The following NCALD variants were observed in gnomAD, a reference collection of about 807,000 sequenced individuals.
The protein encoded by NCALD is neurocalcin delta, also known as neurocalcin-delta.
In NCALD, 10 loss-of-function variants were observed where a neutral mutation model predicts 18.6. The ratio of observed to expected loss-of-function variants is 0.54; its 90% CI spans 0.33 to 0.91. The LOEUF (loss-of-function observed/expected upper bound fraction) is 0.91. Ranked by LOEUF, NCALD falls within the 40% of genes least tolerant of loss-of-function variation. The probability of loss-of-function intolerance (pLI) is 0.03; values close to 1 mark genes in which losing one functional copy is unlikely to be tolerated. For synonymous variants in NCALD, 88 were observed against 87.4 expected, an observed-to-expected ratio of 1.01 and a Z score of -0.04; for missense variants, 184 against 247.6, an observed-to-expected ratio of 0.74 and a Z score of 1.72.
intron 1 of NCALD, among the ~76,000 whole-genome samples, chr8:102,082,351 A>G (rs760669397): frequency 2.6e-4 from 38 of 148,968 alleles, no homozygotes; most frequent in South Asian, 1.3e-3. Flanking sequence ...CTCCTGCCTC[A>G]GCCTCCTGAG....
chr8:101,852,384 C>T (rs746746295), intron 4 of NCALD, among the ~76,000 whole-genome samples: 10 of 152,162 alleles, frequency 6.6e-5, no homozygotes, highest in Non-Finnish European at 1.5e-4. Flanking sequence ...TGGTCTTGGC[C>T]TTTCAACTTT....
chr8:102,028,742 T>C (rs1379082373), intron 1 of NCALD, among the ~76,000 whole-genome samples: 1 of 152,192 alleles, frequency 6.6e-6, no homozygotes, highest in African/African-American at 2.4e-5. Flanking sequence ...GACCAGAAAG[T>C]AAAAGATGAG....
At chr8:101,934,378 A>C (rs1220799404) in intron 2 of NCALD, among the ~76,000 whole-genome samples, 1 of 152,274 alleles carries the variant, frequency 6.6e-6, no homozygotes, top group Non-Finnish European at 1.5e-5. Flanking sequence ...GAAATAGCAC[A>C]AAGTCAGAGG....
At chr8:101,704,258 T>A (rs1815406236) in intron 2 of NCALD, among the ~76,000 whole-genome samples, 1 of 152,210 alleles carries the variant, frequency 6.6e-6, no homozygotes, top group South Asian at 2.1e-4. Context: ...AGTAATTATA[T>A]CTTTTAGTGG....
chr8:101,798,962 A>T (rs899838020), intron 4 of NCALD, among the ~76,000 whole-genome samples: 2 of 152,224 alleles, frequency 1.3e-5, no homozygotes, highest in African/African-American at 4.8e-5. Context: ...TAATCTACAA[A>T]ATAAGTAATT....
At chr8:101,792,665 GCACATCATA>G (rs1812488520), upstream of NCALD, among the ~76,000 whole-genome samples, 1 of 152,162 alleles carries the variant, frequency 6.6e-6, no homozygotes, top group African/African-American at 2.4e-5. Flanking sequence ...GTTCAGAAAT[GCACATCATA>G]CAAATGAGGG....
chr8:101,717,701 CCAGA>C (rs145208622), intron 2 of NCALD, among the ~76,000 whole-genome samples: 2,927 of 152,224 alleles, frequency 0.019, 89 homozygotes, highest in African/African-American at 0.066. Context: ...GAAAAGACGG[CCAGA>C]CAAAGGCACA....
chr8:101,949,515 T>G (rs1326792955), intron 2 of NCALD, among the ~76,000 whole-genome samples: 1 of 152,050 alleles, frequency 6.6e-6, no homozygotes. Flanking sequence ...TCAAACGACA[T>G]CAGGAAATAA....
At chr8:101,827,116 G>C (rs1335432115) in intron 4 of NCALD, among the ~76,000 whole-genome samples, 1 of 152,176 alleles carries the variant, frequency 6.6e-6, no homozygotes, top group East Asian at 1.9e-4. Context: ...AAAAACTCCA[G>C]GGTAGAAGCC....
Position 101,798,350 on chromosome 8 carries a change from A to G in NCALD, c.-19-78702T>C, listed in dbSNP as rs113223999. Among the ~76,000 whole-genome samples the G allele has an allele frequency of 7.3e-3, 1,109 of 152,386 alleles. 14 individuals carry two copies. The highest frequency in any genetic ancestry group is 0.024 in the African/African-American group (994 of 41,598). Reference sequence around the variant, plus strand: ...CAAGATAAACCTGAAAATCAATTGTATTTCTCTACACTAGTAATGAACATG... The same window carrying G: ...CAAGATAAACCTGAAAATCAATTGTGTTTCTCTACACTAGTAATGAACATG... On this transcript the variant is annotated intron_variant, in intron 4 of 6. Coordinates refer to the NCALD transcript ENST00000311028.
At chr8:102,026,670 A>G (rs909028003) in intron 1 of NCALD, among the ~76,000 whole-genome samples, 1 of 152,082 alleles carries the variant, frequency 6.6e-6, no homozygotes, top group Non-Finnish European at 1.5e-5. Flanking sequence ...CTGTCAGTGG[A>G]CATACTATTC....
At chr8:102,064,407 A>C (rs968437643) in intron 1 of NCALD, among the ~76,000 whole-genome samples, 2 of 152,224 alleles carry the variant, frequency 1.3e-5, no homozygotes, top group Non-Finnish European at 2.9e-5. Context: ...AGGTGCCACC[A>C]GGGCAAGGCA....
chr8:101,740,989 G>T (rs933942821), intron 1 of NCALD, among the ~76,000 whole-genome samples: 1 of 152,152 alleles, frequency 6.6e-6, no homozygotes, highest in Non-Finnish European at 1.5e-5. Context: ...CAACTCTGTA[G>T]AATCAGTGTA....
intron 2 of NCALD, among the ~76,000 whole-genome samples, chr8:101,974,447 G>A (rs1476598934): frequency 6.6e-6 from 1 of 152,090 alleles, no homozygotes; most frequent in Non-Finnish European, 1.5e-5. Context: ...CACCCCATGT[G>A]ACATAGGGAG....
chr8:102,098,217 A>C (rs1260508428), intron 1 of NCALD, among the ~76,000 whole-genome samples: 2 of 20,158 alleles, frequency 9.9e-5, no homozygotes, highest in Admixed American at 1.4e-3. Context: ...TGCTAAATTA[A>C]CTATGTCCCC....
chr8:102,121,048 T>A (rs74975901), intron 1 of NCALD, among the ~76,000 whole-genome samples: 17,324 of 152,234 alleles, frequency 0.11, 1,163 homozygotes, highest in Non-Finnish European at 0.14. Context: ...GACCCAGCCT[T>A]GGATTCCTAC....
At chr8:101,736,309 G>T (rs1201148402) in intron 1 of NCALD, among the ~76,000 whole-genome samples, 1 of 152,146 alleles carries the variant, frequency 6.6e-6, no homozygotes, top group Admixed American at 6.5e-5. Flanking sequence ...ATTTTGGATA[G>T]TGGTCCATTC....
At chr8:101,960,754 G>A (rs1249011581) in intron 2 of NCALD, among the ~76,000 whole-genome samples, 2 of 152,098 alleles carry the variant, frequency 1.3e-5, no homozygotes, top group African/African-American at 4.8e-5. Flanking sequence ...AATTTGCCTT[G>A]GTTTTGAGGA....
intron 4 of NCALD, among the ~76,000 whole-genome samples, chr8:101,870,897 ACC>A (rs59654249): frequency 4.4e-4 from 11 of 24,944 alleles, no homozygotes; most frequent in African/African-American, 8.5e-4. Context: ...CACCGCCCCC[ACC>A]CCCCCCCCCC....
Sources: allele counts gnomAD v4.1 joint callset (sites outside exome capture counted in the v4.1 genomes callset), GRCh38; gene constraint gnomAD v4.1.1; transcripts MANE v1.5; gene names NCBI Gene and HGNC (gene_info 2026-07-23, HGNC 2026-07-21).